CCAR2: variants seen among roughly 807,000 people sequenced by gnomAD.
CCAR2 encodes the protein cell cycle and apoptosis regulator protein 2.
In CCAR2, 21 loss-of-function variants were observed where a neutral mutation model predicts 108.1. The ratio of observed to expected loss-of-function variants is 0.19; its 90% confidence interval spans 0.14 to 0.28. The LOEUF is 0.28. Among genes scored for constraint, CCAR2 ranks in the 10% least tolerant of loss-of-function variants. The pLI, the probability that CCAR2 is intolerant of heterozygous loss-of-function variation, is 1.00. For synonymous variants in CCAR2, 577 were observed against 472.8 expected (o/e 1.22, Z -2.86); for missense variants, 1,126 against 1,177.0 (o/e 0.96, Z 0.63).
intron 8 of CCAR2, 61 bp downstream of exon 8, chr8:22,613,197 G>A (rs1871902): frequency 0.36 from 534,546 of 1,464,902 alleles, 99,674 homozygotes; most frequent in African/African-American, 0.55. Context: ...TTATGTAAAT[G>A]AGATGGCGTC....
At position 22,607,334 on chromosome 8, in the gene CCAR2, G is replaced by A. The variant is rs200790842; in HGVS notation, c.487+9G>A. On this transcript the variant is annotated intron_variant, in intron 6 of 20. Coordinates refer to ENST00000308511, the MANE Select transcript of CCAR2 (RefSeq NM_001393997.1). The stretch of plus-strand genomic sequence containing the variant: ...ACTCTTTCCTCAGAAGCGTGAGTAC[G>A]AGTGGCACTGTTGTTGGGTGTGGCA... The A allele has an allele frequency of 8.9e-4, 1,437 of 1,609,200 alleles. 3 individuals are homozygous for A. Among genetic ancestry groups the A allele is most frequent in the Middle Eastern group, 2.3e-3 (14 of 6,060 alleles).
Position 22,606,898 on chromosome 8 carries a change from G to C in CCAR2, c.243-12G>C. 10 of 1,613,716 alleles carry C rather than the reference G, an allele frequency of 6.2e-6. No homozygotes were observed. Among genetic ancestry groups the C allele is most frequent in the Non-Finnish European group, 8.5e-6 (10 of 1,179,700 alleles). On this transcript the variant is annotated splice_polypyrimidine_tract_variant and intron_variant, in intron 4 of 20. Coordinates refer to ENST00000308511, the MANE Select transcript of CCAR2 (RefSeq NM_001393997.1). Reference sequence around the variant, plus strand: ...CTCTTCTGATGGGGCCTTCTGGCTTGTGTGCTGACAGTGTGGTGAAGGGCC... The same window carrying C: ...CTCTTCTGATGGGGCCTTCTGGCTTCTGTGCTGACAGTGTGGTGAAGGGCC...
intron 8 of CCAR2, chr8:22,613,855 C>A (rs1325079889): frequency 3.8e-6 from 2 of 527,296 alleles, no homozygotes; most frequent in Non-Finnish European, 6.7e-6. Context: ...AAGGCAATGA[C>A]CCATTTCTCT....
Position 22,614,232 on chromosome 8 carries a change from A to G in CCAR2, c.845A>G (p.Gln282Arg). The G allele has an allele frequency of 6.2e-7, 1 of 1,614,070 alleles. No homozygotes were observed. The highest frequency in any genetic ancestry group is 8.5e-7 in the Non-Finnish European group (1 of 1,180,028). ...TCCCTCCATCATCCAAGCCGGATCC[A>G]GGTCTCTTCTGAAAAGGAGGCAGCT... ...PFSLHHPSRI[Q>R]VSSEKEAAPD... Residue 282 changes from glutamine to arginine, a missense_variant, in exon 9 of 21, where the codon CAG (glutamine) becomes CGG (arginine). Transcript: ENST00000308511.
At chr8:22,619,040 C>G in intron 19 of CCAR2, 25 bp downstream of exon 19, 1 of 1,609,162 alleles carries the variant, frequency 6.2e-7, no homozygotes, top group Non-Finnish European at 8.5e-7. Flanking sequence ...CTGCAGCCAC[C>G]ATGGGGTCAC....
intron 7 of CCAR2, chr8:22,612,730 ATATTT>A (rs1801338121): frequency 8.2e-6 from 2 of 243,830 alleles, no homozygotes. Context: ...TCCATCATTA[ATATTT>A]TATTTCCTTT....
intron 8 of CCAR2, among the ~76,000 whole-genome samples, chr8:22,613,355 C>CTTTTT (rs5890057): frequency 3.2e-5 from 4 of 125,842 alleles, no homozygotes; most frequent in Admixed American, 8.0e-5. Context: ...AGATCTAGTT[C>CTTTTT]TTTTTTTTTT....
chr8:22,615,930 T>TG lies in CCAR2; in HGVS notation c.1608+22dup. 1.2e-6 allele frequency: 2 copies of TG among 1,613,600 alleles called. No individual in the cohort carries two copies. Among genetic ancestry groups the TG allele is most frequent in the Non-Finnish European group, 1.7e-6 (2 of 1,179,690 alleles). On this transcript the variant is annotated intron_variant, in intron 13 of 20. Transcript: ENST00000308511. ...CTTTTGAGGCAGGTGTCAAGAGTCT[T>TG]GGGGAGGCTGTGGGCTGGGATTTGT...
At chr8:22,612,405 C>T (rs1305352517) in intron 7 of CCAR2, among the ~76,000 whole-genome samples, 2 of 152,028 alleles carry the variant, frequency 1.3e-5, no homozygotes, top group Non-Finnish European at 2.9e-5. Flanking sequence ...GTAGCTGGGA[C>T]TGCAGGCACG....
At chr8:22,604,868 C>A (rs774610379) in intron 1 of CCAR2, 26 bp downstream of exon 1, 2 of 447,902 alleles carry the variant, frequency 4.5e-6, no homozygotes, top group East Asian at 1.4e-4. Flanking sequence ...CCCTGCCGCC[C>A]CTCTGCCCCT....
At position 22,605,728 on chromosome 8, in the gene CCAR2, GA is replaced by G; in HGVS notation, c.-38-7del. The G allele has an allele frequency of 6.5e-7, 1 of 1,534,188 alleles. No homozygotes were observed. Among genetic ancestry groups the G allele is most frequent in the African/African-American group, 1.4e-5 (1 of 72,806 alleles). ...TAAGCTGTTAATTTCTTTCTTTTTGGATTGAAGCCTTTTCCCCACGACTCTG... is the reference window on the plus strand; with the variant it reads ...TAAGCTGTTAATTTCTTTCTTTTTGGTTGAAGCCTTTTCCCCACGACTCTG... On this transcript the variant is annotated splice_region_variant and splice_polypyrimidine_tract_variant and intron_variant, in intron 1 of 20. Transcript: ENST00000308511.
chr8:22,619,686 C>A lies in CCAR2; in HGVS notation c.*4C>A. ...GGAGCCGGCACCTAGCAACTGACGG[C>A]CTCGCACGGAACTGCCATCCTGTGA... On this transcript the variant is annotated 3_prime_UTR_variant, in exon 21 of 21. Coordinates refer to ENST00000308511, the MANE Select transcript of CCAR2 (RefSeq NM_001393997.1). 1 of 1,567,666 alleles carries A rather than the reference C, an allele frequency of 6.4e-7. No individual in the cohort carries two copies. The highest frequency in any genetic ancestry group is 2.4e-5 in the East Asian group (1 of 42,452).
At position 22,615,432 on chromosome 8, in the gene CCAR2, T is replaced by G; in HGVS notation, c.1213T>G (p.Phe405Val). 1 of 1,613,384 alleles carries G rather than the reference T, an allele frequency of 6.2e-7. No individual in the cohort carries two copies. Among genetic ancestry groups the G allele is most frequent in the Non-Finnish European group, 8.5e-7 (1 of 1,179,752 alleles). Residue 405 changes from phenylalanine to valine, a missense_variant, in exon 12 of 21, where the codon TTT becomes GTT. By Grantham distance (50) the Phe-to-Val change is conservative (BLOSUM62 -1). Coordinates refer to ENST00000308511, the MANE Select transcript of CCAR2 (RefSeq NM_001393997.1). ...TCCTTTTGCCATGTGCAGGTGGCGC[T>G]TTGCCGAGTTTCAGTACCTGCAGCC... Reference protein sequence around the residue: ...DLSGCTKWWRFAEFQYLQPGP... With the variant: ...DLSGCTKWWRVAEFQYLQPGP...
Position 22,614,946 on chromosome 8 carries a change from G to A in CCAR2, c.1150G>A (p.Ala384Thr), listed in dbSNP as rs368135137. 5.0e-6 allele frequency: 8 copies of A among 1,610,224 alleles called. No individual in the cohort carries two copies. The highest frequency in any genetic ancestry group is 3.4e-5 in the Admixed American group (2 of 59,392). ...QADPQVLVRT[A>T]IRCAQAQTGI... ...TGACCCGCAGGTGCTGGTGCGTACC[G>A]CCATCCGCTGTGCGCAGGCCCAGAC... Residue 384 changes from alanine to threonine, a missense_variant, in exon 11 of 21, where the codon GCC becomes ACC. Ala to Thr is a moderately conservative substitution (Grantham distance 58). Transcript: ENST00000308511.
chr8:22,619,042 TG>T (rs757345221), intron 19 of CCAR2, 27 bp downstream of exon 19: 10 of 1,609,484 alleles, frequency 6.2e-6, no homozygotes, highest in Non-Finnish European at 7.6e-6. Context: ...GCAGCCACCA[TG>T]GGGTCACATG....
chr8:22,607,509 C>T (rs1396830314), intron 6 of CCAR2, among the ~76,000 whole-genome samples, 184 bp downstream of exon 6: 1 of 148,886 alleles, frequency 6.7e-6, no homozygotes, highest in Non-Finnish European at 1.5e-5. Context: ...GCTCTGTTGC[C>T]CAGGCTGGAG....
chr8:22,609,073 C>G (rs1585155037), intron 7 of CCAR2, among the ~76,000 whole-genome samples: 1 of 120,850 alleles, frequency 8.3e-6, no homozygotes, highest in Non-Finnish European at 1.7e-5. Context: ...TTTTTTGAGA[C>G]AAGGGCTTGC....
rs777601262 is a variant in CCAR2 at position 22,614,926 on chromosome 8, C to T, written c.1130C>T (p.Pro377Leu). Residue 377 changes from proline to leucine, a missense_variant, in exon 11 of 21, where the codon CCG becomes CTG. By Grantham distance (98) the Pro-to-Leu change is moderately conservative. Transcript: ENST00000308511. Reference protein sequence around the residue: ...SLDGLDPQADPQVLVRTAIRC... With the variant: ...SLDGLDPQADLQVLVRTAIRC... ...GATGGCCTCGACCCCCAGGCTGACCCGCAGGTGCTGGTGCGTACCGCCATC... is the reference window on the plus strand; with the variant it reads ...GATGGCCTCGACCCCCAGGCTGACCTGCAGGTGCTGGTGCGTACCGCCATC... 22 of 1,613,070 alleles carry T rather than the reference C, an allele frequency of 1.4e-5. No homozygotes were observed. Among genetic ancestry groups the T allele is most frequent in the Middle Eastern group, 1.7e-4 (1 of 6,050 alleles).
Position 22,615,566 on chromosome 8 carries a change from G to C in CCAR2, c.1347G>C (p.Glu449Asp). 1 of 1,613,980 alleles carries C rather than the reference G, an allele frequency of 6.2e-7. No individual in the cohort carries two copies. Among genetic ancestry groups the C allele is most frequent in the Non-Finnish European group, 8.5e-7 (1 of 1,180,036 alleles). ...WEALCQQKAA[E>D]AAPPTQEAQG... ...CCCTGTGCCAGCAGAAAGCTGCAGA[G>C]GCAGCTCCCCCAACCCAGGAGGCAC... The change falls in exon 12 of 21, where the codon GAG becomes GAC. Residue 449 changes from glutamate to aspartate, a missense_variant. This residue lies in a region of CCAR2 where 1,013 missense variants were observed against 993.9 expected (regional missense o/e 1.02). Coordinates refer to ENST00000308511, the MANE Select transcript of CCAR2 (RefSeq NM_001393997.1).
Sources: gnomAD v4.1 joint callset for allele counts (sites outside exome capture counted in the v4.1 genomes callset) on GRCh38, gnomAD v4.1.1 for gene constraint, gnomAD v4.1.1 regional missense constraint, MANE v1.5 for transcripts, NCBI Gene and HGNC (gene_info 2026-07-23, HGNC 2026-07-21) for gene names.